The following CCDC73 variants were observed in gnomAD, a reference collection of about 807,000 sequenced individuals.
CCDC73 encodes coiled-coil domain containing 73.
In CCDC73, 95 loss-of-function variants were observed where a neutral mutation model predicts 116.5. The ratio of observed to expected loss-of-function variants is 0.82; its 90% CI spans 0.69 to 0.97. The LOEUF (loss-of-function observed/expected upper bound fraction) is 0.97. CCDC73 is among the 50% of genes least tolerant of loss of function. The probability of loss-of-function intolerance (pLI) is 0.00; values close to 1 mark genes in which losing one functional copy is unlikely to be tolerated. For synonymous variants in CCDC73, 398 were observed against 401.3 expected (o/e 0.99, Z 0.10); for missense variants, 1,066 against 1,206.8 (o/e 0.88, Z 1.73).
the CCDC73 span, among the ~76,000 whole-genome samples, chr11:32,814,093 C>T: frequency 7.2e-5 from 11 of 152,078 alleles, no homozygotes; most frequent in Non-Finnish European, 1.2e-4. Context: ...GTTTCTATGC[C>T]TGCCTCCTTA....
Position 32,614,402 on chromosome 11 carries a change from G to A in CCDC73, c.1916C>T (p.Pro639Leu), listed in dbSNP as rs1855454886. The change falls in exon 16 of 18, where the codon CCT becomes CTT. Residue 639 changes from proline to leucine, a missense_variant. Coordinates refer to ENST00000335185, the MANE Select transcript of CCDC73 (RefSeq NM_001008391.4). ...LDSSLDIKKN[P>L]VPCQKYSLRN... Reference sequence around the variant, plus strand: ...TAAACTATATTTCTGACATGGAACAGGATTTTTTTTTATATCTAGAGACGA... The same window carrying A: ...TAAACTATATTTCTGACATGGAACAAGATTTTTTTTTATATCTAGAGACGA... 2.5e-6 allele frequency: 4 copies of A among 1,613,300 alleles called. No homozygotes were observed. The highest frequency in any genetic ancestry group is 3.4e-6 in the Non-Finnish European group (4 of 1,179,592).
At position 32,784,809 on chromosome 11, in the gene CCDC73, T is replaced by C. The variant is rs569862176; in HGVS notation, c.-16+9804A>G. 2.7e-3 allele frequency among the ~76,000 whole-genome samples: 418 copies of C among 152,314 alleles called. 2 individuals are homozygous for C. The highest frequency in any genetic ancestry group is 3.8e-3 in the Non-Finnish European group (259 of 68,024). ...CATATAATGGAGGAGTAAATTTTAT[T>C]GTATATGTTTTAAGTTGGTACAGAA... On this transcript the variant is annotated intron_variant, in intron 1 of 17. Transcript: ENST00000335185.
intron 6 of CCDC73, among the ~76,000 whole-genome samples, chr11:32,691,209 C>G (rs892711829): frequency 1.3e-5 from 2 of 151,958 alleles, no homozygotes; most frequent in African/African-American, 4.8e-5. Flanking sequence ...CACACCCCAT[C>G]AAATTTTTGT....
intron 1 of CCDC73, among the ~76,000 whole-genome samples, chr11:32,784,186 C>A (rs187608040): frequency 6.6e-6 from 1 of 151,994 alleles, no homozygotes; most frequent in African/African-American, 2.4e-5. Context: ...CAAAATTAGC[C>A]GGGCGTCGTG....
At chr11:32,604,672 G>C (rs191422592) in intron 17 of CCDC73, 1 of 152,210 alleles carries the variant, frequency 6.6e-6, no homozygotes, top group South Asian at 2.1e-4. Flanking sequence ...ATTATTTCTG[G>C]ACATTTAAAT....
chr11:32,808,168 GA>G, the CCDC73 span, among the ~76,000 whole-genome samples: 20,406 of 151,588 alleles, frequency 0.13, 1,480 homozygotes, highest in South Asian at 0.22. Flanking sequence ...AAGGATAAAG[GA>G]AAAAAAATAT....
intron 3 of CCDC73, among the ~76,000 whole-genome samples, chr11:32,706,619 G>A (rs547515016): frequency 2.4e-4 from 37 of 152,176 alleles, no homozygotes; most frequent in African/African-American, 8.2e-4. Context: ...GGGAGAAATC[G>A]TGTATTCAAC....
At chr11:32,685,071 A>G (rs527986073) in intron 6 of CCDC73, among the ~76,000 whole-genome samples, 44 of 152,276 alleles carry the variant, frequency 2.9e-4, no homozygotes, top group African/African-American at 1.1e-3. Context: ...TATATTTTTT[A>G]AACTTTAAGC....
At chr11:32,652,755 T>G (rs1413233680) in intron 12 of CCDC73, among the ~76,000 whole-genome samples, 1 of 152,196 alleles carries the variant, frequency 6.6e-6, no homozygotes, top group African/African-American at 2.4e-5. Context: ...TTCTGAGAGC[T>G]GGCTGAATGC....
At chr11:32,648,016 T>A (rs1590567082) in intron 12 of CCDC73, among the ~76,000 whole-genome samples, 1 of 151,926 alleles carries the variant, frequency 6.6e-6, no homozygotes, top group East Asian at 1.9e-4. Flanking sequence ...CCCCCAAACC[T>A]CAGCTGTTCC....
chr11:32,671,101 C>T, intron 9 of CCDC73, among the ~76,000 whole-genome samples: 1 of 152,096 alleles, frequency 6.6e-6, no homozygotes, highest in East Asian at 1.9e-4. Flanking sequence ...GCTATTAGTG[C>T]AGCAAATAAA....
intron 3 of CCDC73, among the ~76,000 whole-genome samples, chr11:32,703,594 T>TAA (rs1338522759): frequency 6.6e-6 from 1 of 152,184 alleles, no homozygotes; most frequent in Non-Finnish European, 1.5e-5. Flanking sequence ...AGCAGACTGT[T>TAA]AGAGTTTCAA....
At chr11:32,605,073 C>T (rs1301401380) in intron 17 of CCDC73, 4 of 151,000 alleles carry the variant, frequency 2.6e-5, no homozygotes, top group African/African-American at 7.3e-5. Context: ...AGGCTGGTCT[C>T]GAACGCCTGA....
intron 1 of CCDC73, among the ~76,000 whole-genome samples, chr11:32,772,169 C>T (rs911596614): frequency 2.0e-5 from 3 of 152,104 alleles, no homozygotes; most frequent in African/African-American, 7.2e-5. Flanking sequence ...GCTATGCAGC[C>T]ACAGATTCAA....
chr11:32,608,825 C>T (rs1201932221), intron 17 of CCDC73, among the ~76,000 whole-genome samples: 1 of 152,180 alleles, frequency 6.6e-6, no homozygotes, highest in South Asian at 2.1e-4. Context: ...TTCTTGACTT[C>T]TGTGTACTCG....
intron 2 of CCDC73, among the ~76,000 whole-genome samples, chr11:32,746,200 G>A (rs938801795): frequency 6.6e-6 from 1 of 152,182 alleles, no homozygotes. Flanking sequence ...AGTTTGGCTG[G>A]ATATGAAATT....
chr11:32,651,015 T>C (rs201870), intron 12 of CCDC73, among the ~76,000 whole-genome samples: 148,834 of 152,272 alleles, frequency 0.98, 72,749 homozygotes, highest in East Asian at 1. Context: ...TGGGGATACT[T>C]ACCAGGCAAA....
intron 6 of CCDC73, among the ~76,000 whole-genome samples, chr11:32,690,965 A>G (rs142732588): frequency 1.2e-4 from 19 of 152,116 alleles, no homozygotes; most frequent in Admixed American, 3.3e-4. Context: ...CCATTAGACT[A>G]TCATACAGAG....
the CCDC73 span, among the ~76,000 whole-genome samples, chr11:32,826,656 AAAAC>A: frequency 7.4e-4 from 98 of 133,272 alleles, no homozygotes; most frequent in South Asian, 2.6e-3. Context: ...CAAAAAAAAA[AAAAC>A]AAAAAAAAAA....
Sources: allele counts gnomAD v4.1 joint callset (sites outside exome capture counted in the v4.1 genomes callset), GRCh38; gene constraint gnomAD v4.1.1; transcripts MANE v1.5; gene names NCBI Gene and HGNC (gene_info 2026-07-23, HGNC 2026-07-21).